The following CPEB1 variants were observed in gnomAD, a reference collection of about 807,000 sequenced individuals.
The protein encoded by CPEB1 is cytoplasmic polyadenylation element-binding protein 1.
A neutral mutation model predicts 65.8 loss-of-function variants in CPEB1; 7 were observed. The ratio of observed to expected loss-of-function variants is 0.11; its 90% CI spans 0.06 to 0.20. The LOEUF (loss-of-function observed/expected upper bound fraction) is 0.20. CPEB1 is among the 10% of genes least tolerant of loss of function. CPEB1 has a pLI of 1.00. For synonymous variants in CPEB1, 262 were observed against 260.0 expected, an observed-to-expected ratio of 1.01 and a Z score of -0.08; for missense variants, 551 against 712.2, an observed-to-expected ratio of 0.77 and a Z score of 2.58.
chr15:82,647,689 C>G, upstream of CPEB1: 1 of 469,752 alleles, frequency 2.1e-6, no homozygotes, highest in Non-Finnish European at 3.3e-6. Flanking sequence ...CCCTCCACCC[C>G]TCCACGAGGC....
At chr15:82,606,103 G>A (rs2043560867) in intron 3 of CPEB1, among the ~76,000 whole-genome samples, 1 of 152,154 alleles carries the variant, frequency 6.6e-6, no homozygotes, top group Admixed American at 6.6e-5. Context: ...AGCGATACTG[G>A]TGCAAAGTTT....
chr15:82,577,772 C>T (rs1379835020), intron 3 of CPEB1, among the ~76,000 whole-genome samples: 1 of 152,036 alleles, frequency 6.6e-6, no homozygotes, highest in African/African-American at 2.4e-5. Context: ...ATCTGCCTGC[C>T]CCAGCCTCAC....
At chr15:82,622,238 C>A (rs2045365971) in intron 3 of CPEB1, among the ~76,000 whole-genome samples, 1 of 152,072 alleles carries the variant, frequency 6.6e-6, no homozygotes. Flanking sequence ...TCTGGCCTGA[C>A]CTTCCAGCCC....
chr15:82,585,362 G>A (rs534147383), intron 3 of CPEB1, among the ~76,000 whole-genome samples: 165 of 152,250 alleles, frequency 1.1e-3, no homozygotes, highest in Non-Finnish European at 2.0e-3. Flanking sequence ...AGCTTTCAGC[G>A]GCAAAGTCTG....
At chr15:82,553,692 C>CA in intron 7 of CPEB1, 136 bp from the exon 8 acceptor site, 2 of 770,800 alleles carry the variant, frequency 2.6e-6, no homozygotes, top group Non-Finnish European at 4.4e-6. Context: ...TGCTGATCTC[C>CA]GGTGTAAGCT....
At chr15:82,583,165 C>T (rs1459347487) in intron 3 of CPEB1, among the ~76,000 whole-genome samples, 1 of 152,170 alleles carries the variant, frequency 6.6e-6, no homozygotes, top group Admixed American at 6.5e-5. Flanking sequence ...AATTTTACTT[C>T]TTACCCATGG....
chr15:82,645,072 G>A (rs2047391176), intron 1 of CPEB1, among the ~76,000 whole-genome samples: 1 of 152,198 alleles, frequency 6.6e-6, no homozygotes, highest in South Asian at 2.1e-4. Flanking sequence ...TGCTGCACAG[G>A]CTGGCACAAC....
At position 82,619,597 on chromosome 15, in the gene CPEB1, G is replaced by C. The variant is rs1230512994; in HGVS notation, c.271+7596C>G. On this transcript the variant is annotated intron_variant, in intron 3 of 12. Transcript: ENST00000684509. ...AACTGCTACAAGTAAACAAGAAAAAGGTAGATAACCCTAAGAAAAATGAGT... is the reference window on the plus strand; with the variant it reads ...AACTGCTACAAGTAAACAAGAAAAACGTAGATAACCCTAAGAAAAATGAGT... Among the ~76,000 whole-genome samples, 4 of 152,012 alleles carry C rather than the reference G, an allele frequency of 2.6e-5. No individual in the cohort carries two copies. In the East Asian group the frequency reaches 7.7e-4, roughly 29 times the overall value.
At chr15:82,560,079 G>GA (rs892528276) in intron 4 of CPEB1, among the ~76,000 whole-genome samples, 165 of 149,926 alleles carry the variant, frequency 1.1e-3, no homozygotes, top group African/African-American at 3.8e-3. Flanking sequence ...GCAAGACTCT[G>GA]AAAAAAAAAA....
chr15:82,550,544 G>T (rs1467215328), intron 9 of CPEB1, among the ~76,000 whole-genome samples: 2 of 152,190 alleles, frequency 1.3e-5, no homozygotes, highest in African/African-American at 4.8e-5. Flanking sequence ...TAGGTGCTGG[G>T]CCTACACGGT....
At chr15:82,554,020 G>C in intron 6 of CPEB1, 29 bp from the exon 7 acceptor site, 1 of 1,409,402 alleles carries the variant, frequency 7.1e-7, no homozygotes, top group Non-Finnish European at 9.9e-7. Context: ...AGATAAACAG[G>C]GGAGGTTAGA....
intron 3 of CPEB1, among the ~76,000 whole-genome samples, chr15:82,575,085 G>A (rs910308208): frequency 6.6e-6 from 1 of 152,120 alleles, no homozygotes; most frequent in Non-Finnish European, 1.5e-5. Context: ...AAGGTCGTAT[G>A]GATACTCAAA....
intron 3 of CPEB1, among the ~76,000 whole-genome samples, chr15:82,574,926 A>G (rs2040491151): frequency 6.6e-6 from 1 of 152,180 alleles, no homozygotes; most frequent in African/African-American, 2.4e-5. Flanking sequence ...ACTGCACATT[A>G]TAGCTTAGCC....
chr15:82,584,039 C>CA (rs1470233524), intron 3 of CPEB1, among the ~76,000 whole-genome samples: 4 of 151,754 alleles, frequency 2.6e-5, no homozygotes, highest in African/African-American at 9.7e-5. Flanking sequence ...GCAGGTGGAT[C>CA]ACAAGGTCAG....
intron 3 of CPEB1, among the ~76,000 whole-genome samples, chr15:82,577,391 T>A (rs2678445): frequency 0.39 from 59,763 of 151,588 alleles, 11,819 homozygotes; most frequent in South Asian, 0.49. Flanking sequence ...ACTTAAAAAA[T>A]TTTTTTTTAA....
Position 82,562,349 on chromosome 15 carries a change from A to G in CPEB1, c.461-4363T>C, listed in dbSNP as rs917477089. 9 of 363,000 alleles carry G rather than the reference A, an allele frequency of 2.5e-5. No homozygotes were observed. The East Asian group carries it at 7.0e-4, about 28-fold the overall frequency. The allele number at this position is 363,000 out of a possible 1,614,324, so 22.5% of individuals were successfully genotyped here. ...GGCCTTGCCACTACAGGAACTCATT[A>G]AAAATGCATTTTGGGTCCCACCCCA... On this transcript the variant is annotated intron_variant, in intron 4 of 12. Coordinates refer to ENST00000684509, the MANE Select transcript of CPEB1 (RefSeq NM_001365242.1).
intron 3 of CPEB1, among the ~76,000 whole-genome samples, chr15:82,604,789 A>G (rs922507136): frequency 2.6e-5 from 4 of 152,232 alleles, no homozygotes; most frequent in Admixed American, 2.0e-4. Flanking sequence ...AAGTATACCA[A>G]GATACACATA....
At chr15:82,569,425 T>A (rs1390255183) in intron 4 of CPEB1, among the ~76,000 whole-genome samples, 2 of 152,186 alleles carry the variant, frequency 1.3e-5, no homozygotes, top group Non-Finnish European at 2.9e-5. Context: ...CTGGTTCTGG[T>A]CCTTATGAAT....
chr15:82,555,580 A>G (rs1041919370), intron 6 of CPEB1, among the ~76,000 whole-genome samples: 2 of 152,216 alleles, frequency 1.3e-5, no homozygotes, highest in African/African-American at 4.8e-5. Flanking sequence ...AGCAGCACAC[A>G]GCCAGTCTCC....
Sources: allele counts gnomAD v4.1 joint callset (sites outside exome capture counted in the v4.1 genomes callset), GRCh38; gene constraint gnomAD v4.1.1; transcripts MANE v1.5; gene names NCBI Gene and HGNC (gene_info 2026-07-23, HGNC 2026-07-21).